The following PTPRT variants were observed in gnomAD, a reference collection of about 807,000 sequenced individuals.
PTPRT encodes receptor-type tyrosine-protein phosphatase T.
In PTPRT, 56 loss-of-function variants were observed where a neutral mutation model predicts 176.8. The ratio of observed to expected loss-of-function variants is 0.32; its 90% CI spans 0.26 to 0.40. The LOEUF (loss-of-function observed/expected upper bound fraction) is 0.40, where lower values mean the gene tolerates loss of function less well. Among genes scored for constraint, PTPRT ranks in the 10% least tolerant of loss-of-function variants. PTPRT has a pLI of 1.00. For missense variants in PTPRT, 1,540 were observed against 1,908.2 expected (o/e 0.81, Z 3.60); for synonymous variants, 783 against 739.0 (o/e 1.06, Z -0.96).
chr20:42,816,678 A>C (rs1256860756), intron 2 of PTPRT, among the ~76,000 whole-genome samples: 1 of 152,134 alleles, frequency 6.6e-6, no homozygotes, highest in Non-Finnish European at 1.5e-5. Context: ...CCCTGGTAAG[A>C]AGGTGCCTGC....
At chr20:42,567,661 T>C (rs868061208) in intron 7 of PTPRT, among the ~76,000 whole-genome samples, 3 of 152,210 alleles carry the variant, frequency 2.0e-5, no homozygotes, top group African/African-American at 7.2e-5. Context: ...AATGCCAGCC[T>C]CACCTATTTG....
At chr20:42,226,335 TTAAG>T (rs1166529589) in intron 15 of PTPRT, among the ~76,000 whole-genome samples, 2 of 152,198 alleles carry the variant, frequency 1.3e-5, no homozygotes, top group East Asian at 3.9e-4. Flanking sequence ...TGAGATGGAA[TTAAG>T]TGAGTTATCT....
chr20:43,029,172 A>T (rs1376333270), intron 1 of PTPRT, among the ~76,000 whole-genome samples: 1 of 152,204 alleles, frequency 6.6e-6, no homozygotes, highest in East Asian at 1.9e-4. Flanking sequence ...GATTGGAACA[A>T]ATCTTTAAAA....
In PTPRT at chr20:43,126,207, C is replaced by G. The variant is rs534830026; in HGVS notation, c.88+63439G>C. On this transcript the variant is annotated intron_variant, in intron 1 of 30. Transcript: ENST00000373187. The stretch of plus-strand genomic sequence containing the variant: ...TCTCTATAAAAACACAAAAAATAGC[C>G]GGGCATGATGGTGGGTGCCTGTAAT... 1.9e-4 allele frequency among the ~76,000 whole-genome samples: 29 copies of G among 152,062 alleles called. 1 individual carries two copies. The South Asian group carries it at 5.0e-3, about 26-fold the overall frequency.
intron 1 of PTPRT, among the ~76,000 whole-genome samples, chr20:42,927,275 A>G (rs1979549835): frequency 1.3e-5 from 2 of 152,166 alleles, no homozygotes; most frequent in Non-Finnish European, 2.9e-5. Flanking sequence ...TGTAGAAAAA[A>G]GGGGGGCTGG....
chr20:42,404,865 A>G (rs2058943734), intron 9 of PTPRT, among the ~76,000 whole-genome samples: 1 of 151,620 alleles, frequency 6.6e-6, no homozygotes, highest in Admixed American at 6.6e-5. Flanking sequence ...AAAATTGGAT[A>G]AAAACAACTG....
chr20:43,129,428 G>A (rs965495095), intron 1 of PTPRT, among the ~76,000 whole-genome samples: 2 of 151,986 alleles, frequency 1.3e-5, no homozygotes, highest in Non-Finnish European at 2.9e-5. Flanking sequence ...TGTGCACATC[G>A]CGTGGCTAGT....
At chr20:42,842,888 C>T (rs2078303722) in intron 2 of PTPRT, among the ~76,000 whole-genome samples, 1 of 152,184 alleles carries the variant, frequency 6.6e-6, no homozygotes, top group Non-Finnish European at 1.5e-5. Flanking sequence ...GACACAAATC[C>T]CATTCACAAG....
At chr20:42,862,248 G>A (rs1335732896) in intron 2 of PTPRT, among the ~76,000 whole-genome samples, 2 of 152,152 alleles carry the variant, frequency 1.3e-5, no homozygotes, top group Non-Finnish European at 2.9e-5. Context: ...ATCAGGCCTG[G>A]CTCACAAGGC....
chr20:42,177,849 C>T, intron 16 of PTPRT, among the ~76,000 whole-genome samples: 1 of 151,574 alleles, frequency 6.6e-6, no homozygotes, highest in East Asian at 1.9e-4. Context: ...TTCTCTTCTC[C>T]CTTCCCTCCC....
Position 43,116,693 on chromosome 20 carries a change from C to T in PTPRT, c.88+72953G>A, listed in dbSNP as rs147330002. The stretch of plus-strand genomic sequence containing the variant: ...TACCACTATCACCACTGCTTTCCCA[C>T]TTTATTGTAATTGTCTCTTTTTCTT... On this transcript the variant is annotated intron_variant, in intron 1 of 30. Transcript: ENST00000373187. Among the ~76,000 whole-genome samples the T allele has an allele frequency of 7.2e-5, 11 of 152,298 alleles. No individual in the cohort carries two copies. In the East Asian group the frequency reaches 2.1e-3, roughly 29 times the overall value.
At chr20:42,474,190 T>C (rs2071247410) in intron 7 of PTPRT, among the ~76,000 whole-genome samples, 1 of 152,158 alleles carries the variant, frequency 6.6e-6, no homozygotes, top group African/African-American at 2.4e-5. Context: ...GTGGCAGTGC[T>C]GGGAGCACCC....
chr20:42,603,337 C>T (rs2073816073), intron 7 of PTPRT, among the ~76,000 whole-genome samples: 1 of 151,768 alleles, frequency 6.6e-6, no homozygotes, highest in South Asian at 2.1e-4. Flanking sequence ...ATCAGCCAGC[C>T]AAGTGAAGAT....
Position 42,616,438 on chromosome 20 carries a change from T to C in PTPRT, c.1153+61428A>G, listed in dbSNP as rs1454289216. Among the ~76,000 whole-genome samples the C allele has an allele frequency of 8.8e-5, 11 of 124,812 alleles. 2 individuals are homozygous for C. Among genetic ancestry groups the C allele is most frequent in the African/African-American group, 3.3e-4 (9 of 27,384 alleles). The allele number at this position is 124,812 out of a possible 152,430, so 81.9% of individuals were successfully genotyped here. On this transcript the variant is annotated intron_variant, in intron 7 of 30. Transcript: ENST00000373187. ...CGATGCGGGCTCTTTTTTGGTTCCA[T>C]ATGAACTTTAAAGTAGTTTTTTCCA... is the stretch of plus-strand genomic sequence containing the variant.
At chr20:43,139,400 T>C (rs1351524774) in intron 1 of PTPRT, among the ~76,000 whole-genome samples, 1 of 152,238 alleles carries the variant, frequency 6.6e-6, no homozygotes. Flanking sequence ...ATTAAAGGCC[T>C]TGGAGAAGCT....
At chr20:42,258,296 A>C (rs1008580330) in intron 13 of PTPRT, among the ~76,000 whole-genome samples, 1 of 152,154 alleles carries the variant, frequency 6.6e-6, no homozygotes, top group African/African-American at 2.4e-5. Context: ...ATTGATGAAC[A>C]TGTCATGTGA....
chr20:42,060,122 A>C, the PTPRT span, among the ~76,000 whole-genome samples: 3 of 152,214 alleles, frequency 2.0e-5, no homozygotes, highest in Admixed American at 6.5e-5. Flanking sequence ...TTTTGGATGG[A>C]GTACATTCAT....
rs1982830217 is a variant in PTPRT, at chr20:42,076,922, T to C, written c.*3957A>G. On this transcript the variant is annotated 3_prime_UTR_variant, in exon 31 of 31. Transcript: ENST00000373187. ...CCACTCTAGTCTCTTCTGTTATGGG[T>C]AACCTCCTGGGAAAAATGTGAGATA... The C allele has an allele frequency of 1.5e-5, 3 of 197,318 alleles. No individual in the cohort carries two copies. The highest frequency in any genetic ancestry group is 6.9e-5 in the African/African-American group (3 of 43,316). The allele number at this position is 197,318 out of a possible 1,614,324, so 12.2% of individuals were successfully genotyped here.
intron 7 of PTPRT, among the ~76,000 whole-genome samples, chr20:42,523,418 C>T (rs1173209559): frequency 6.6e-6 from 1 of 152,144 alleles, no homozygotes; most frequent in East Asian, 1.9e-4. Context: ...GTTGGACAAC[C>T]TGATTGTCAA....
Sources: allele counts gnomAD v4.1 joint callset (sites outside exome capture counted in the v4.1 genomes callset), GRCh38; gene constraint gnomAD v4.1.1; transcripts MANE v1.5; gene names NCBI Gene and HGNC (gene_info 2026-07-23, HGNC 2026-07-21).